The following THSD7A variants were observed in gnomAD, a reference collection of about 807,000 sequenced individuals.
THSD7A encodes thrombospondin type 1 domain containing 7A, also known as thrombospondin type-1 domain-containing protein 7A.
Under a neutral mutation model 231.3 loss-of-function variants are expected in THSD7A, and 96 were observed. That is an observed-to-expected ratio of 0.41 (90% confidence interval 0.35 to 0.49). The LOEUF is 0.49. Among genes scored for constraint, THSD7A ranks in the 20% least tolerant of loss-of-function variants. The pLI, the probability that THSD7A is intolerant of heterozygous loss-of-function variation, is 0.05. For missense variants in THSD7A, 2,290 were observed against 2,070.2 expected (o/e 1.11, Z -2.06); for synonymous variants, 940 against 743.3 (o/e 1.26, Z -4.30).
chr7:11,780,192 G>T (rs1195448325), intron 1 of THSD7A, among the ~76,000 whole-genome samples: 1 of 152,192 alleles, frequency 6.6e-6, no homozygotes, highest in East Asian at 1.9e-4. Context: ...AAAACTAATC[G>T]TATTCATGAG....
intron 16 of THSD7A, among the ~76,000 whole-genome samples, chr7:11,417,824 T>C (rs1033990631): frequency 6.6e-6 from 1 of 152,168 alleles, no homozygotes; most frequent in African/African-American, 2.4e-5. Flanking sequence ...TTCTGCATGA[T>C]TCAAAAATGT....
chr7:11,477,457 G>A (rs1054897914), intron 7 of THSD7A, among the ~76,000 whole-genome samples: 2 of 152,082 alleles, frequency 1.3e-5, no homozygotes, highest in African/African-American at 4.8e-5. Flanking sequence ...GATTAAGGGG[G>A]TGTCTGTCAG....
chr7:11,755,261 A>G (rs1029266200), intron 1 of THSD7A, among the ~76,000 whole-genome samples: 1 of 152,166 alleles, frequency 6.6e-6, no homozygotes, highest in African/African-American at 2.4e-5. Flanking sequence ...GGGACATGGT[A>G]TATGATAGGA....
In THSD7A at chr7:11,447,353, GC is replaced by G. The variant is rs773426262; in HGVS notation, c.2676del (p.Pro893GlnfsTer17). 1 of 1,612,292 alleles carries G rather than the reference GC, an allele frequency of 6.2e-7. No homozygotes were observed. Among genetic ancestry groups the G allele is most frequent in the African/African-American group, 1.3e-5 (1 of 74,956 alleles). ...ATCTGGCAGGCCTGGGTAAGGGCTG[GC>G]ACAGGGCCTGCATACTGTAGGCACT... ...IHECLQYAGP[V>X]PALTQACQIP... On this transcript the variant is annotated frameshift_variant, in exon 12 of 28. Transcript: ENST00000423059. LOFTEE classifies it high-confidence loss of function.
At position 11,523,169 on chromosome 7, in the gene THSD7A, C is replaced by T. The variant is rs889982375; in HGVS notation, c.1822+18250G>A. ...ACTTTGGTGAATAAAGAATTCAAAA[C>T]GTTCAAAGCATTATATAAAAACGAT... is the stretch of plus-strand genomic sequence containing the variant. On this transcript the variant is annotated intron_variant, in intron 6 of 27. Coordinates refer to ENST00000423059, the MANE Select transcript of THSD7A (RefSeq NM_015204.3). Among the ~76,000 whole-genome samples, 10 of 152,060 alleles carry T rather than the reference C, an allele frequency of 6.6e-5. No homozygotes were observed. The South Asian group carries it at 1.0e-3, about 16-fold the overall frequency.
At chr7:11,428,457 C>T (rs1179893488) in intron 14 of THSD7A, among the ~76,000 whole-genome samples, 1 of 152,092 alleles carries the variant, frequency 6.6e-6, no homozygotes, top group African/African-American at 2.4e-5. Flanking sequence ...ATTTTGAGGC[C>T]ATCTTTGTAT....
intron 1 of THSD7A, among the ~76,000 whole-genome samples, chr7:11,737,784 G>A (rs763436879): frequency 2.0e-5 from 3 of 151,990 alleles, no homozygotes; most frequent in Admixed American, 6.6e-5. Flanking sequence ...AGATCTAAGA[G>A]CAGAGGGTGA....
intron 22 of THSD7A, among the ~76,000 whole-genome samples, chr7:11,404,102 A>C (rs902851045): frequency 4.1e-4 from 63 of 152,196 alleles, no homozygotes; most frequent in Admixed American, 3.9e-4. Context: ...GGATCCTGTA[A>C]TTTTCCTTCA....
intron 1 of THSD7A, among the ~76,000 whole-genome samples, chr7:11,668,322 G>T (rs1783229208): frequency 6.6e-6 from 1 of 152,054 alleles, no homozygotes; most frequent in African/African-American, 2.4e-5. Context: ...GGAGACTGAG[G>T]CAGGACAATC....
chr7:11,780,428 T>C (rs987514393), intron 1 of THSD7A, among the ~76,000 whole-genome samples: 1 of 152,208 alleles, frequency 6.6e-6, no homozygotes, highest in Admixed American at 6.5e-5. Context: ...CTTTGATCAC[T>C]ATCTGTGGTA....
intron 6 of THSD7A, among the ~76,000 whole-genome samples, chr7:11,521,841 G>A (rs1301258368): frequency 1.3e-5 from 2 of 151,920 alleles, no homozygotes; most frequent in African/African-American, 4.8e-5. Context: ...CTTTCTGATA[G>A]TGCCTTCAAT....
At chr7:11,467,777 G>T (rs1020051256) in intron 9 of THSD7A, among the ~76,000 whole-genome samples, 1 of 151,672 alleles carries the variant, frequency 6.6e-6, no homozygotes, top group Admixed American at 6.6e-5. Flanking sequence ...CTTTCCAGAT[G>T]TATATAATAC....
At chr7:11,480,018 C>T (rs1326513301) in intron 7 of THSD7A, among the ~76,000 whole-genome samples, 1 of 152,122 alleles carries the variant, frequency 6.6e-6, no homozygotes, top group African/African-American at 2.4e-5. Context: ...TATATTGATA[C>T]ATCACACTGC....
chr7:11,805,239 G>T (rs533412619), intron 1 of THSD7A, among the ~76,000 whole-genome samples: 1 of 152,200 alleles, frequency 6.6e-6, no homozygotes, highest in South Asian at 2.1e-4. Context: ...TCATTCCAAA[G>T]GAGAGTTGAA....
intron 23 of THSD7A, among the ~76,000 whole-genome samples, chr7:11,401,526 T>A (rs1783401842): frequency 6.6e-6 from 1 of 152,142 alleles, no homozygotes; most frequent in Non-Finnish European, 1.5e-5. Context: ...CAAGTGATTC[T>A]CCTGCCTCAG....
rs1161958580 is a variant in THSD7A at position 11,384,913 on chromosome 7, T to C, written c.4412-2297A>G. On this transcript the variant is annotated intron_variant, in intron 23 of 27. Transcript: ENST00000423059. The stretch of plus-strand genomic sequence containing the variant: ...ATTGCATAGATTTTATAGGTAAATC[T>C]GTATAAAATTTACATGTTATAATAT... The C allele has an allele frequency of 1.8e-4, 27 of 152,028 alleles. 1 individual carries two copies. Among genetic ancestry groups the C allele is most frequent in the Admixed American group, 1.8e-3 (27 of 15,244 alleles). The allele number at this position is 152,028 out of a possible 1,614,324, so 9.4% of individuals were successfully genotyped here.
intron 2 of THSD7A, among the ~76,000 whole-genome samples, chr7:11,600,624 A>C (rs1780517972): frequency 6.6e-6 from 1 of 152,150 alleles, no homozygotes; most frequent in Non-Finnish European, 1.5e-5. Context: ...GCGCATTCTC[A>C]ATAATCAATA....
chr7:11,536,199 C>T (rs984920824), intron 6 of THSD7A, among the ~76,000 whole-genome samples: 5 of 152,148 alleles, frequency 3.3e-5, no homozygotes, highest in African/African-American at 9.7e-5. Context: ...TAAGTGGCAG[C>T]GGACTGGAAA....
At chr7:11,761,778 G>A (rs961090577) in intron 1 of THSD7A, among the ~76,000 whole-genome samples, 2 of 151,828 alleles carry the variant, frequency 1.3e-5, no homozygotes, top group African/African-American at 4.8e-5. Context: ...TTAGATTTGG[G>A]GGTACACGTG....
Sources: allele counts gnomAD v4.1 joint callset (sites outside exome capture counted in the v4.1 genomes callset), GRCh38; gene constraint gnomAD v4.1.1; transcripts MANE v1.5; gene names NCBI Gene and HGNC (gene_info 2026-07-23, HGNC 2026-07-21).